Variants in TNRC6C observed in about 807,000 individuals in gnomAD.
TNRC6C encodes the protein trinucleotide repeat-containing gene 6C protein.
Under a neutral mutation model 153.7 loss-of-function variants are expected in TNRC6C, and 20 were observed. The ratio of observed to expected loss-of-function variants is 0.13; its 90% CI spans 0.09 to 0.19. The LOEUF is 0.19. Ranked by LOEUF, TNRC6C falls within the 10% of genes least tolerant of loss-of-function variation. The probability of loss-of-function intolerance (pLI) is 1.00; values close to 1 mark genes in which losing one functional copy is unlikely to be tolerated. For synonymous variants in TNRC6C, 811 were observed against 841.4 expected (o/e 0.96, Z 0.63); for missense variants, 1,987 against 2,172.0 (o/e 0.91, Z 1.69).
intron 1 of TNRC6C, among the ~76,000 whole-genome samples, chr17:77,982,422 A>G (rs2071092223): frequency 6.6e-6 from 1 of 152,236 alleles, no homozygotes; most frequent in African/African-American, 2.4e-5. Context: ...GTAATCACTA[A>G]AAGGATAGAA....
intron 2 of TNRC6C, among the ~76,000 whole-genome samples, chr17:78,036,823 C>G (rs1314623064): frequency 1.3e-5 from 2 of 151,524 alleles, no homozygotes; most frequent in Non-Finnish European, 2.9e-5. Context: ...ACTCGGGAGG[C>G]TGAGGCAAGA....
At chr17:77,958,731 C>G (rs1311869662), upstream of TNRC6C, among the ~76,000 whole-genome samples, 2 of 151,288 alleles carry the variant, frequency 1.3e-5, no homozygotes, top group South Asian at 4.1e-4. Context: ...GCCGCGGTGG[C>G]AGCTCCGCAC....
intron 1 of TNRC6C, among the ~76,000 whole-genome samples, chr17:77,972,172 G>C (rs968070500): frequency 3.3e-5 from 5 of 152,062 alleles, no homozygotes; most frequent in Non-Finnish European, 7.4e-5. Context: ...CCCATAGCTA[G>C]ACTGACCAAG....
upstream of TNRC6C, among the ~76,000 whole-genome samples, chr17:78,000,630 C>CCCCCCCCCACACA (rs1555628277): frequency 1.6e-5 from 1 of 62,290 alleles, no homozygotes; most frequent in Non-Finnish European, 3.0e-5. Context: ...CCCCCCCCCC[C>CCCCCCCCCACACA]CACACACACA....
At chr17:77,980,325 G>A (rs2071056874) in intron 1 of TNRC6C, among the ~76,000 whole-genome samples, 2 of 152,166 alleles carry the variant, frequency 1.3e-5, no homozygotes, top group African/African-American at 2.4e-5. Context: ...CAGAAAGCTG[G>A]AAGAGAGTTC....
intron 4 of TNRC6C, chr17:78,066,214 G>C (rs1438488937): frequency 6.9e-6 from 1 of 144,250 alleles, no homozygotes; most frequent in African/African-American, 2.7e-5. Context: ...CTGGGAGACA[G>C]AGACTCCATC....
At chr17:78,011,223 AG>A (rs1162908216) in intron 1 of TNRC6C, among the ~76,000 whole-genome samples, 1 of 152,186 alleles carries the variant, frequency 6.6e-6, no homozygotes, top group African/African-American at 2.4e-5. Context: ...ATATTTAAAG[AG>A]AAGAAATAGA....
intron 1 of TNRC6C, among the ~76,000 whole-genome samples, chr17:78,019,535 TA>T (rs1238842264): frequency 6.6e-6 from 1 of 152,214 alleles, no homozygotes; most frequent in Non-Finnish European, 1.5e-5. Context: ...CTTTCTTATA[TA>T]AAGAGTTACC....
chr17:78,107,053 C>T (rs754353969), exon 20 of TNRC6C: 3 of 151,796 alleles, frequency 2.0e-5, no homozygotes, highest in Admixed American at 6.6e-5. Flanking sequence ...CCATTACATG[C>T]GTTCTATATA....
intron 2 of TNRC6C, 89 bp downstream of exon 4, chr17:78,031,931 T>G: frequency 8.6e-7 from 1 of 1,167,254 alleles, no homozygotes; most frequent in Non-Finnish European, 1.1e-6. Flanking sequence ...TAGACATATT[T>G]TGGTCCATAC....
chr17:78,042,506 C>T (rs907965621), intron 2 of TNRC6C, among the ~76,000 whole-genome samples: 2 of 151,714 alleles, frequency 1.3e-5, no homozygotes, highest in Non-Finnish European at 1.5e-5. Context: ...TGTCTTGGTT[C>T]ATTTCAGAGT....
At chr17:78,039,503 CCTA>C (rs2072251011) in intron 2 of TNRC6C, among the ~76,000 whole-genome samples, 1 of 152,120 alleles carries the variant, frequency 6.6e-6, no homozygotes, top group African/African-American at 2.4e-5. Context: ...AAAAATAAGT[CCTA>C]GATGCTTTTA....
exon 6 of TNRC6C, chr17:78,071,149 C>T: frequency 1.9e-6 from 3 of 1,604,536 alleles, no homozygotes; most frequent in Middle Eastern, 1.7e-4. Context: ...AAACAACTCA[C>T]AGACATGGGC....
chr17:78,072,048 T>G (rs1431742953), intron 6 of TNRC6C, among the ~76,000 whole-genome samples: 2 of 152,194 alleles, frequency 1.3e-5, no homozygotes, highest in African/African-American at 4.8e-5. Flanking sequence ...TTCAAATTAG[T>G]GTTTATCTTT....
chr17:77,984,828 GCACACA>G (rs56781955), intron 1 of TNRC6C, among the ~76,000 whole-genome samples: 1 of 149,552 alleles, frequency 6.7e-6, no homozygotes. Context: ...CCTCTTATAC[GCACACA>G]CACACACACA....
At chr17:78,102,590 T>G in intron 18 of TNRC6C, 46 bp downstream of exon 21, 1 of 1,554,514 alleles carries the variant, frequency 6.4e-7, no homozygotes, top group Non-Finnish European at 8.7e-7. Context: ...CCAGGGAGGG[T>G]TCCCGCTTGG....
chr17:78,045,443 A>G (rs1025173248), intron 2 of TNRC6C, among the ~76,000 whole-genome samples: 1 of 138,754 alleles, frequency 7.2e-6, no homozygotes, highest in African/African-American at 2.7e-5. Context: ...TTGCTGTGGC[A>G]TAGTTGAGAT....
chr17:77,968,598 C>G (rs571421369), intron 1 of TNRC6C, among the ~76,000 whole-genome samples: 1 of 152,320 alleles, frequency 6.6e-6, no homozygotes, highest in South Asian at 2.1e-4. Context: ...CCACCTCGGC[C>G]TCCCAAAGTG....
chr17:78,058,670 G>A (rs2072706701), intron 3 of TNRC6C, among the ~76,000 whole-genome samples: 1 of 152,228 alleles, frequency 6.6e-6, no homozygotes, highest in African/African-American at 2.4e-5. Context: ...CTGGCAGGCA[G>A]TATACTGCTA....
Sources: gnomAD v4.1 joint callset for allele counts (sites outside exome capture counted in the v4.1 genomes callset) on GRCh38, gnomAD v4.1.1 for gene constraint, MANE v1.5 for transcripts, NCBI Gene and HGNC (gene_info 2026-07-23, HGNC 2026-07-21) for gene names.